CEACAM21: variants seen among roughly 807,000 people sequenced by gnomAD.
The protein encoded by CEACAM21 is cell adhesion molecule CEACAM21.
Under a neutral mutation model 33.2 loss-of-function variants are expected in CEACAM21, and 38 were observed. The ratio of observed to expected loss-of-function variants is 1.14; its 90% CI spans 0.88 to 1.50. The LOEUF is 1.50. CEACAM21 is among the 40% of genes most tolerant of loss of function. The probability of loss-of-function intolerance (pLI) is 0.00; values close to 1 mark genes in which losing one functional copy is unlikely to be tolerated. For missense variants in CEACAM21, 385 were observed against 364.6 expected (o/e 1.06, Z -0.46); for synonymous variants, 156 against 143.0 (o/e 1.09, Z -0.65).
Position 41,584,369 on chromosome 19 carries a change from C to G in CEACAM21, c.723C>G (p.Ile241Met), listed in dbSNP as rs1555794430. ...CAGCAGATGACAACACTCTAGGCAT[C>G]CTGATCGGGGTCCTGGTTGGGAGTC... Reference protein sequence around the residue: ...TVKSDDNTLGILIGVLVGSLL... With the variant: ...TVKSDDNTLGMLIGVLVGSLL... Residue 241 changes from isoleucine (I) to methionine (M), a missense_variant, in exon 4 of 7, where the codon ATC (isoleucine) becomes ATG (methionine). By Grantham distance (10) the Ile-to-Met change is conservative (BLOSUM62 1). Transcript: ENST00000401445. The G allele has an allele frequency of 6.2e-7, 1 of 1,611,744 alleles. No homozygotes were observed. Among genetic ancestry groups the G allele is most frequent in the Non-Finnish European group, 8.5e-7 (1 of 1,178,818 alleles).
In CEACAM21 at chr19:41,576,179, G is replaced by A; in HGVS notation, c.-96G>A. On this transcript the variant is annotated 5_prime_UTR_variant, in exon 1 of 7. Coordinates refer to ENST00000401445, the MANE Select transcript of CEACAM21 (RefSeq NM_001098506.4). Reference sequence around the variant, plus strand: ...AGGAAGCTCAGCATAGAGGAAGGAAGGACAGCAGAGACAACAGTCACAGTA... The same window carrying A: ...AGGAAGCTCAGCATAGAGGAAGGAAAGACAGCAGAGACAACAGTCACAGTA... The A allele has an allele frequency of 1.4e-6, 2 of 1,429,202 alleles. No individual in the cohort carries two copies. Among genetic ancestry groups the A allele is most frequent in the Non-Finnish European group, 9.8e-7 (1 of 1,022,296 alleles). The allele number at this position is 1,429,202 out of a possible 1,614,324, so 88.5% of individuals were successfully genotyped here. A position where few individuals can be genotyped will look rare whatever the true frequency, so the allele number is the denominator to read the frequency against.
At position 41,579,431 on chromosome 19, in the gene CEACAM21, C is replaced by A. The variant is rs1555792530; in HGVS notation, c.503C>A (p.Thr168Lys). The A allele has an allele frequency of 1.2e-6, 2 of 1,613,846 alleles. No individual in the cohort carries two copies. The highest frequency in any genetic ancestry group is 1.7e-6 in the Non-Finnish European group (2 of 1,179,894). ...GGCTCCGTGGTCCTGACCTGCCACA[C>A]AAATAACACTGGAACCTCTTTCCAG... ...EKGSVVLTCHTNNTGTSFQWI... is the reference protein window; with the variant it reads ...EKGSVVLTCHKNNTGTSFQWI... Residue 168 changes from threonine to lysine, a missense_variant, in exon 3 of 7, where the codon ACA becomes AAA. Thr to Lys is a moderately conservative substitution (Grantham distance 78). Coordinates refer to ENST00000401445, the MANE Select transcript of CEACAM21 (RefSeq NM_001098506.4).
At chr19:41,582,115 C>G (rs1344351171) in intron 3 of CEACAM21, among the ~76,000 whole-genome samples, 3 of 152,218 alleles carry the variant, frequency 2.0e-5, no homozygotes, top group African/African-American at 7.2e-5. Context: ...ATGGGAGAAA[C>G]TGGCCAAAAC....
In CEACAM21 at chr19:41,567,522, A is replaced by G. The variant is rs2042343123; in HGVS notation, c.-404+2466A>G. 6.6e-5 allele frequency among the ~76,000 whole-genome samples: 10 copies of G among 152,340 alleles called. 1 individual carries two copies. The South Asian group carries it at 2.1e-3, about 32-fold the overall frequency. ...CAAACAACAATTTAGCAATTTTGCTACTGCATAAAAGGGTGCCCCCTTTTC... is the reference window on the plus strand; with the variant it reads ...CAAACAACAATTTAGCAATTTTGCTGCTGCATAAAAGGGTGCCCCCTTTTC... On this transcript the variant is annotated intron_variant, in intron 2 of 7. Transcript: ENST00000407170.
At chr19:41,550,869 T>A (rs782515238) in intron 1 of CEACAM21, among the ~76,000 whole-genome samples, 5 of 152,240 alleles carry the variant, frequency 3.3e-5, no homozygotes, top group African/African-American at 7.2e-5. Context: ...TTTTTTCTAC[T>A]GAATGGATGA....
intron 3 of CEACAM21, among the ~76,000 whole-genome samples, chr19:41,581,150 G>C (rs891432390): frequency 1.4e-4 from 21 of 152,234 alleles, no homozygotes; most frequent in Non-Finnish European, 3.1e-4. Flanking sequence ...AAGCTGGAAG[G>C]TTATGGGTTT....
intron 1 of CEACAM21, among the ~76,000 whole-genome samples, chr19:41,576,805 A>G (rs1195177185): frequency 6.6e-6 from 1 of 152,004 alleles, no homozygotes; most frequent in Non-Finnish European, 1.5e-5. Context: ...CATGGGGGGG[A>G]AGACAGACAC....
chr19:41,557,762 G>T (rs1555785876), intron 1 of CEACAM21, among the ~76,000 whole-genome samples: 5 of 152,170 alleles, frequency 3.3e-5, no homozygotes, highest in Non-Finnish European at 5.9e-5. Flanking sequence ...TGTCAACAGG[G>T]GATACATCTC....
chr19:41,552,392 T>C (rs913488501), intron 1 of CEACAM21: 9 of 152,256 alleles, frequency 5.9e-5, no homozygotes, highest in African/African-American at 2.2e-4. Flanking sequence ...TGGTTAAGAA[T>C]TCCTTCTTTG....
chr19:41,558,449 C>A (rs1220664905), intron 1 of CEACAM21, among the ~76,000 whole-genome samples: 1 of 152,088 alleles, frequency 6.6e-6, no homozygotes, highest in African/African-American at 2.4e-5. Flanking sequence ...AGATCGAGAC[C>A]ACCCTGGCTA....
At chr19:41,576,477 C>A in intron 1 of CEACAM21, 139 bp downstream of exon 1, 2 of 891,118 alleles carry the variant, frequency 2.2e-6, no homozygotes, top group Non-Finnish European at 3.2e-6. Context: ...TAAGGAGAAC[C>A]AAAAAATCTA....
intron 1 of CEACAM21, chr19:41,551,058 T>A (rs1300735607): frequency 6.6e-6 from 1 of 152,152 alleles, no homozygotes; most frequent in Non-Finnish European, 1.5e-5. Flanking sequence ...ACTCGTTTCA[T>A]CTCTAGACCT....
At chr19:41,577,829 C>G (rs1213640978) in intron 2 of CEACAM21, among the ~76,000 whole-genome samples, 11 of 152,176 alleles carry the variant, frequency 7.2e-5, no homozygotes, top group African/African-American at 2.4e-4. Context: ...AGTCCAACCC[C>G]CCTTGGCCTC....
intron 1 of CEACAM21, among the ~76,000 whole-genome samples, chr19:41,560,120 C>T (rs1476746423): frequency 6.6e-6 from 1 of 152,206 alleles, no homozygotes. Context: ...ACAGAGTTCT[C>T]CCATTATTCA....
chr19:41,565,776 G>GAACA (rs2042219021), intron 2 of CEACAM21, among the ~76,000 whole-genome samples: 3 of 152,040 alleles, frequency 2.0e-5, no homozygotes, highest in African/African-American at 7.3e-5. Context: ...ACACATTTGA[G>GAACA]AACAACCAGT....
chr19:41,564,168 A>G (rs1298835634), intron 1 of CEACAM21, among the ~76,000 whole-genome samples: 3 of 152,092 alleles, frequency 2.0e-5, no homozygotes, highest in Non-Finnish European at 4.4e-5. Flanking sequence ...CAGGGATGAA[A>G]AATCGAGGGC....
chr19:41,585,343 T>C, intron 4 of CEACAM21, 100 bp from the exon 5 acceptor site: 2 of 1,267,234 alleles, frequency 1.6e-6, no homozygotes, highest in South Asian at 2.4e-5. Flanking sequence ...GAGGTCTCCA[T>C]ACCCCTCTTG....
upstream of CEACAM21, among the ~76,000 whole-genome samples, chr19:41,571,484 A>G (rs1455304193): frequency 6.6e-6 from 1 of 152,202 alleles, no homozygotes; most frequent in Non-Finnish European, 1.5e-5. Flanking sequence ...ACATTGAAAG[A>G]AGAAAATGCA....
intron 1 of CEACAM21, 90 bp from the exon 2 acceptor site, chr19:41,577,110 C>A (rs2043004868): frequency 6.9e-7 from 1 of 1,445,456 alleles, no homozygotes; most frequent in African/African-American, 1.4e-5. Context: ...CCCTCTAAGG[C>A]TGAGGGGTGA....
Sources: gnomAD v4.1 joint callset for allele counts (sites outside exome capture counted in the v4.1 genomes callset) on GRCh38, gnomAD v4.1.1 for gene constraint, MANE v1.5 for transcripts, NCBI Gene and HGNC (gene_info 2026-07-23, HGNC 2026-07-21) for gene names.